TESPA1: variants seen among roughly 807,000 people sequenced by gnomAD.
TESPA1 encodes the protein protein TESPA1.
A neutral mutation model predicts 57.9 loss-of-function variants in TESPA1; 33 were observed. That is an observed-to-expected ratio of 0.57 (90% CI 0.43 to 0.76). TESPA1 has a LOEUF of 0.76. Among genes scored for constraint, TESPA1 ranks in the 30% least tolerant of loss-of-function variants. The pLI is 0.00. For missense variants in TESPA1, 618 were observed against 632.9 expected (o/e 0.98, Z 0.25); for synonymous variants, 227 against 228.9 (o/e 0.99, Z 0.07).
chr12:54,963,592 T>G lies in TESPA1; in HGVS notation c.655+150A>C, dbSNP rs1259213054. The G allele has an allele frequency of 3.3e-6, 3 of 907,042 alleles. No individual in the cohort carries two copies. The East Asian group carries it at 8.0e-5, about 24-fold the overall frequency. 56.2% of individuals were successfully genotyped at this position (907,042 alleles called of 1,614,324 possible). On this transcript the variant is annotated intron_variant, in intron 8 of 10. Transcript: ENST00000449076. ...AGAAAGAATCAGACAGAGTTCTCCA[T>G]CTTCACTGAAGACAACATAAGAGGA...
intron 10 of TESPA1, among the ~76,000 whole-genome samples, chr12:54,952,286 C>T (rs553536947): frequency 4.6e-5 from 7 of 152,284 alleles, no homozygotes; most frequent in African/African-American, 1.4e-4. Context: ...AAATAAATTT[C>T]TTTTATAAAG....
intron 7 of TESPA1, among the ~76,000 whole-genome samples, chr12:54,965,682 G>A (rs1951382287): frequency 6.6e-6 from 1 of 152,090 alleles, no homozygotes; most frequent in South Asian, 2.1e-4. Context: ...TGCCTGGCCT[G>A]CCTGTCCGAA....
At chr12:54,951,120 G>T (rs1194945550) in intron 10 of TESPA1, among the ~76,000 whole-genome samples, 1 of 152,124 alleles carries the variant, frequency 6.6e-6, no homozygotes, top group Non-Finnish European at 1.5e-5. Flanking sequence ...ATGTTGAATT[G>T]TGATCCTGAA....
rs539308249 is a variant in TESPA1, at chr12:54,966,268, G to T, written c.348-117C>A. On this transcript the variant is annotated intron_variant, in intron 6 of 10. Coordinates refer to ENST00000449076, the MANE Select transcript of TESPA1 (RefSeq NM_001136030.3). ...ACAGTAGTCTATGCAGTGCTTGTTC[G>T]TTGGAAAGTCTCACTCTCTAATGTG... The T allele has an allele frequency of 3.2e-6, 5 of 1,578,904 alleles. No homozygotes were observed. The African/African-American group carries it at 5.4e-5, about 17-fold the overall frequency.
chr12:54,981,170 C>G (rs1952303294), intron 1 of TESPA1, among the ~76,000 whole-genome samples: 1 of 151,876 alleles, frequency 6.6e-6, no homozygotes, highest in Non-Finnish European at 1.5e-5. Context: ...ATATTAAGTC[C>G]CTGATGTATA....
At chr12:54,973,747 A>G in intron 2 of TESPA1, 1 of 1,305,734 alleles carries the variant, frequency 7.7e-7, no homozygotes, top group Non-Finnish European at 9.7e-7. Flanking sequence ...GAACCTGGAA[A>G]GTGCCCAAGA....
rs894326777 is a variant in TESPA1 at position 54,950,236 on chromosome 12, T to C, written c.*156A>G. 1 of 456,200 alleles carries C rather than the reference T, an allele frequency of 2.2e-6. No homozygotes were observed. The highest frequency in any genetic ancestry group is 2.0e-5 in the African/African-American group (1 of 50,042). 28.3% of individuals were successfully genotyped at this position (456,200 alleles called of 1,614,324 possible). A position where few individuals can be genotyped will look rare whatever the true frequency, so the allele number is the denominator to read the frequency against. ...GTCTGGTCTTCCTCCCCATGTACCA[T>C]GCTGCCTTTCTCCTGCAGAGTTTGG... On this transcript the variant is annotated 3_prime_UTR_variant, in exon 11 of 11. Transcript: ENST00000449076.
At chr12:54,960,849 T>C (rs1951028924) in intron 10 of TESPA1, among the ~76,000 whole-genome samples, 1 of 152,294 alleles carries the variant, frequency 6.6e-6, no homozygotes, top group African/African-American at 2.4e-5. Flanking sequence ...GAGAACTTCT[T>C]AGAAATGCAA....
At chr12:54,971,095 A>C (rs558059816) in intron 3 of TESPA1, among the ~76,000 whole-genome samples, 225 of 152,378 alleles carry the variant, frequency 1.5e-3, no homozygotes, top group African/African-American at 5.0e-3. Flanking sequence ...TTGACACTAA[A>C]TTGCCTGAGA....
At position 54,962,496 on chromosome 12, in the gene TESPA1, C is replaced by T. The variant is rs778697620; in HGVS notation, c.1402G>A (p.Val468Ile). The T allele has an allele frequency of 6.2e-7, 1 of 1,613,344 alleles. No homozygotes were observed. Among genetic ancestry groups the T allele is most frequent in the Non-Finnish European group, 8.5e-7 (1 of 1,179,896 alleles). The change falls in exon 9 of 11, where the codon GTA becomes ATA. Residue 468 changes from valine to isoleucine, a missense_variant. Coordinates refer to ENST00000449076, the MANE Select transcript of TESPA1 (RefSeq NM_001136030.3). ...GACCGACGCAGTTCTGGTCTGTCTA[C>T]ACTCTGCTTCCATTTCTGCTGGGTG... is the stretch of plus-strand genomic sequence containing the variant. Reference protein sequence around the residue: ...SITQQKWKQSVDRPELRRSLS... With the variant: ...SITQQKWKQSIDRPELRRSLS...
chr12:54,968,585 A>C (rs1242032309), intron 3 of TESPA1, among the ~76,000 whole-genome samples: 1 of 152,218 alleles, frequency 6.6e-6, no homozygotes. Flanking sequence ...AAATGTGATC[A>C]GCACATCCAG....
At chr12:54,950,641 T>A (rs1257900458) in intron 10 of TESPA1, among the ~76,000 whole-genome samples, 1 of 152,254 alleles carries the variant, frequency 6.6e-6, no homozygotes, top group Non-Finnish European at 1.5e-5. Context: ...TTTATACCTT[T>A]ATTTTTTTGT....
chr12:54,962,402 A>G (rs778889653), intron 9 of TESPA1, 29 bp downstream of exon 9: 1 of 1,596,530 alleles, frequency 6.3e-7, no homozygotes, highest in South Asian at 1.1e-5. Context: ...TTTCTCTGCC[A>G]GTCTCTCCCT....
chr12:54,953,900 G>A (rs1013524592), intron 10 of TESPA1, among the ~76,000 whole-genome samples: 2 of 152,128 alleles, frequency 1.3e-5, no homozygotes, highest in Admixed American at 6.5e-5. Flanking sequence ...TGGTCCCTAT[G>A]GCATTTAATG....
intron 1 of TESPA1, 114 bp from the exon 2 acceptor site, chr12:54,974,721 A>G: frequency 1.5e-6 from 1 of 672,578 alleles, no homozygotes; most frequent in Non-Finnish European, 2.1e-6. Flanking sequence ...GGTCTCTCTG[A>G]CCATTCAAAA....
chr12:54,950,434 C>A (rs761285049), intron 10 of TESPA1, 44 bp from the exon 11 acceptor site: 3 of 429,332 alleles, frequency 7.0e-6, no homozygotes, highest in Non-Finnish European at 1.4e-5. Context: ...ATTTTTTAAA[C>A]AACTTTGGGT....
intron 8 of TESPA1, 128 bp from the exon 9 acceptor site, chr12:54,963,370 T>A (rs1284561244): frequency 1.1e-6 from 1 of 941,276 alleles, no homozygotes; most frequent in Non-Finnish European, 1.5e-6. Context: ...CTAGTGTTTC[T>A]CCCTTTTAGA....
At chr12:54,952,501 T>C (rs1375832898) in intron 10 of TESPA1, among the ~76,000 whole-genome samples, 3 of 152,246 alleles carry the variant, frequency 2.0e-5, no homozygotes, top group African/African-American at 4.8e-5. Flanking sequence ...TGCTATTTTA[T>C]AGTTTTGCAA....
At position 54,962,692 on chromosome 12, in the gene TESPA1, C is replaced by T. The variant is rs1413930877; in HGVS notation, c.1206G>A (p.Trp402Ter). 1 of 1,613,892 alleles carries T rather than the reference C, an allele frequency of 6.2e-7. No individual in the cohort carries two copies. The highest frequency in any genetic ancestry group is 1.1e-5 in the South Asian group (1 of 91,078). ...THSLPIEDPQ[W>*]STDPAQIRRE... ...TCCTTATCTGAGCTGGGTCTGTGCT[C>T]CACTGTGGATCTTCTATGGGCAGAG... Residue 402 changes from tryptophan (W) to a stop codon, truncating the protein, a stop_gained, in exon 9 of 11, where the codon TGG becomes TGA. Transcript: ENST00000449076. LOFTEE classifies it high-confidence loss of function.
Sources: gnomAD v4.1 joint callset for allele counts (sites outside exome capture counted in the v4.1 genomes callset) on GRCh38, gnomAD v4.1.1 for gene constraint, MANE v1.5 for transcripts, NCBI Gene and HGNC (gene_info 2026-07-23, HGNC 2026-07-21) for gene names.